ATAD1: variants seen among roughly 807,000 people sequenced by gnomAD.
ATAD1 encodes the protein outer mitochondrial transmembrane helix translocase.
Under a neutral mutation model 42.7 loss-of-function variants are expected in ATAD1, and 18 were observed. The observed-to-expected ratio is 0.42, with a 90% confidence interval of 0.29 to 0.63. The LOEUF (loss-of-function observed/expected upper bound fraction) is 0.63. ATAD1 is among the 20% of genes least tolerant of loss of function. The probability of loss-of-function intolerance (pLI) is 0.19; values close to 1 mark genes in which losing one functional copy is unlikely to be tolerated. For missense variants in ATAD1, 294 were observed against 440.4 expected (o/e 0.67, Z 2.98); for synonymous variants, 132 against 143.1 (o/e 0.92, Z 0.55).
rs754112181 is a variant in ATAD1, at chr10:87,814,462, C to T, written c.138G>A (p.Lys46=). The stretch of plus-strand genomic sequence containing the variant: ...CCTGTTTCTGAGCTTCTACTTTTTG[C>T]TTTCTGGTTGGATCAATTGCATCTA... ...WMVDAIDPTR[K]QKVEAQKQAE... is the part of the protein sequence containing the mutation. Residue 46 remains lysine (K), a synonymous_variant, in exon 2 of 10, where the codon AAG becomes AAA. Coordinates refer to ENST00000680024, the MANE Select transcript of ATAD1 (RefSeq NM_001321967.2). 2.9e-5 allele frequency: 46 copies of T among 1,596,786 alleles called. No homozygotes were observed. The South Asian group carries it at 4.2e-4, about 15-fold the overall frequency.
chr10:87,827,850 T>C (rs1223732460), intron 1 of ATAD1, among the ~76,000 whole-genome samples: 1 of 152,122 alleles, frequency 6.6e-6, no homozygotes, highest in Non-Finnish European at 1.5e-5. Context: ...TGATTAAGCT[T>C]AGTGAAAAAA....
At position 87,798,056 on chromosome 10, in the gene ATAD1, C is replaced by T. The variant is rs560288062; in HGVS notation, c.163-5301G>A. Among the ~76,000 whole-genome samples, 18 of 151,566 alleles carry T rather than the reference C, an allele frequency of 1.2e-4. No homozygotes were observed. In the East Asian group the frequency reaches 3.1e-3, roughly 26 times the overall value. ...AGTGGCCTTACAAGAAAATCCCCAA[C>T]AAAAATTAATTTTTAAAAAGGCTTG... On this transcript the variant is annotated intron_variant, in intron 2 of 9. Transcript: ENST00000680024.
intron 4 of ATAD1, among the ~76,000 whole-genome samples, chr10:87,787,198 C>T (rs1437800896): frequency 1.3e-5 from 2 of 152,188 alleles, no homozygotes; most frequent in Non-Finnish European, 2.9e-5. Context: ...ACTTTTATAA[C>T]CAACTTCAAC....
chr10:87,771,112 G>C, intron 6 of ATAD1, 71 bp from the exon 7 acceptor site: 3 of 1,176,154 alleles, frequency 2.6e-6, no homozygotes, highest in Non-Finnish European at 3.6e-6. Context: ...TATTACTAGG[G>C]CTTAGTTTTA....
chr10:87,816,822 A>C (rs553424483), intron 1 of ATAD1, among the ~76,000 whole-genome samples: 42 of 152,336 alleles, frequency 2.8e-4, no homozygotes, highest in African/African-American at 9.9e-4. Context: ...AGACAAGATA[A>C]GGGTTTTATT....
At chr10:87,755,058 T>C (rs1854160790) in intron 9 of ATAD1, among the ~76,000 whole-genome samples, 1 of 152,228 alleles carries the variant, frequency 6.6e-6, no homozygotes, top group African/African-American at 2.4e-5. Flanking sequence ...TTAAAAGCAC[T>C]GAGTGCTAAG....
chr10:87,803,953 T>C (rs1051510310), intron 2 of ATAD1, among the ~76,000 whole-genome samples: 1 of 152,192 alleles, frequency 6.6e-6, no homozygotes, highest in Non-Finnish European at 1.5e-5. Context: ...CTGACTCCTA[T>C]CTCAATTTTA....
chr10:87,825,747 G>T (rs537531852), intron 1 of ATAD1, among the ~76,000 whole-genome samples: 10 of 151,368 alleles, frequency 6.6e-5, no homozygotes, highest in Non-Finnish European at 1.5e-4. Flanking sequence ...TGTTGCCCAG[G>T]TTGGAGTGCA....
chr10:87,840,750 A>G (rs1858016827), intron 1 of ATAD1, among the ~76,000 whole-genome samples: 1 of 152,176 alleles, frequency 6.6e-6, no homozygotes, highest in Non-Finnish European at 1.5e-5. Context: ...ATAAATAGTG[A>G]TTAAGGTCTT....
chr10:87,774,113 T>C (rs1322913120), intron 6 of ATAD1, among the ~76,000 whole-genome samples: 1 of 152,214 alleles, frequency 6.6e-6, no homozygotes, highest in East Asian at 1.9e-4. Flanking sequence ...ATTTTCTTCT[T>C]GAGAATGATG....
At chr10:87,837,448 G>C (rs1857950006) in intron 1 of ATAD1, among the ~76,000 whole-genome samples, 1 of 152,090 alleles carries the variant, frequency 6.6e-6, no homozygotes, top group African/African-American at 2.4e-5. Context: ...GTAGTGGTAG[G>C]GTGGTGGACT....
chr10:87,793,454 A>G lies in ATAD1; in HGVS notation c.163-699T>C, dbSNP rs558675666. Among the ~76,000 whole-genome samples, 5 of 152,366 alleles carry G rather than the reference A, an allele frequency of 3.3e-5. No individual in the cohort carries two copies. The South Asian group carries it at 1.0e-3, about 32-fold the overall frequency. On this transcript the variant is annotated intron_variant, in intron 2 of 9. Coordinates refer to ENST00000680024, the MANE Select transcript of ATAD1 (RefSeq NM_001321967.2). ...TATTATGCCAAAATACAGTAAAAGGATTAACTTATTGAATCCTAAGAGCCA... is the reference window on the plus strand; with the variant it reads ...TATTATGCCAAAATACAGTAAAAGGGTTAACTTATTGAATCCTAAGAGCCA...
At chr10:87,773,917 G>C (rs1269281430) in intron 6 of ATAD1, among the ~76,000 whole-genome samples, 1 of 152,098 alleles carries the variant, frequency 6.6e-6, no homozygotes, top group Non-Finnish European at 1.5e-5. Context: ...CTGTACATGA[G>C]TCCCATTGAT....
At chr10:87,800,042 T>C (rs888019251) in intron 2 of ATAD1, among the ~76,000 whole-genome samples, 5 of 149,208 alleles carry the variant, frequency 3.4e-5, no homozygotes, top group African/African-American at 1.2e-4. Context: ...AACCACAGAG[T>C]CCAAGCATGT....
chr10:87,836,256 G>A (rs75310278), intron 1 of ATAD1, among the ~76,000 whole-genome samples: 10,608 of 152,048 alleles, frequency 0.07, 437 homozygotes, highest in Non-Finnish European at 0.093. Context: ...CTTCCGAGTC[G>A]CTAAGACTAC....
intron 8 of ATAD1, among the ~76,000 whole-genome samples, chr10:87,762,746 AAT>A (rs1854541802): frequency 6.6e-6 from 1 of 151,478 alleles, no homozygotes; most frequent in African/African-American, 2.4e-5. Context: ...AGGATTACAC[AAT>A]GTTTTTTTGA....
chr10:87,758,911 A>G (rs563177872), intron 8 of ATAD1, among the ~76,000 whole-genome samples: 31 of 152,198 alleles, frequency 2.0e-4, no homozygotes, highest in Admixed American at 2.6e-4. Context: ...CTGCCACATC[A>G]GTGAGTTCTT....
chr10:87,775,354 G>T (rs191156366), intron 6 of ATAD1, among the ~76,000 whole-genome samples: 4 of 145,416 alleles, frequency 2.8e-5, no homozygotes, highest in Admixed American at 7.1e-5. Flanking sequence ...CCGGAAGGCG[G>T]AGGTTGCAGT....
At chr10:87,800,203 C>A (rs1856621848) in intron 2 of ATAD1, among the ~76,000 whole-genome samples, 1 of 151,978 alleles carries the variant, frequency 6.6e-6, no homozygotes, top group Non-Finnish European at 1.5e-5. Context: ...TATACACACA[C>A]ACTAAATCAC....
Sources: gnomAD v4.1 joint callset for allele counts (sites outside exome capture counted in the v4.1 genomes callset) on GRCh38, gnomAD v4.1.1 for gene constraint, MANE v1.5 for transcripts, NCBI Gene and HGNC (gene_info 2026-07-23, HGNC 2026-07-21) for gene names.